Variants in ANKIB1 observed in about 807,000 individuals in gnomAD.
ANKIB1 encodes the protein ankyrin repeat and IBR domain containing 1.
A neutral mutation model predicts 122.1 loss-of-function variants in ANKIB1; 43 were observed. The ratio of observed to expected loss-of-function variants is 0.35; its 90% CI spans 0.28 to 0.45. The LOEUF (loss-of-function observed/expected upper bound fraction) is 0.45, where lower values mean the gene tolerates loss of function less well. Ranked by LOEUF, ANKIB1 falls within the 20% of genes least tolerant of loss-of-function variation. The probability of loss-of-function intolerance (pLI) is 1.00; values close to 1 mark genes in which losing one functional copy is unlikely to be tolerated. For synonymous variants in ANKIB1, 390 were observed against 442.0 expected (o/e 0.88, Z 1.48); for missense variants, 992 against 1,329.5 (o/e 0.75, Z 3.95).
intron 9 of ANKIB1, among the ~76,000 whole-genome samples, chr7:92,352,993 C>T (rs1803698140): frequency 2.0e-5 from 3 of 152,120 alleles, no homozygotes; most frequent in African/African-American, 7.2e-5. Context: ...TGATTTAAAG[C>T]CCATGTGCCT....
At chr7:92,318,655 A>G (rs1802841641) in intron 3 of ANKIB1, among the ~76,000 whole-genome samples, 1 of 152,202 alleles carries the variant, frequency 6.6e-6, no homozygotes, top group Non-Finnish European at 1.5e-5. Context: ...CAACATACTT[A>G]ATTTCTGCAA....
At chr7:92,296,034 T>A (rs1802348429) in intron 2 of ANKIB1, among the ~76,000 whole-genome samples, 1 of 152,180 alleles carries the variant, frequency 6.6e-6, no homozygotes, top group South Asian at 2.1e-4. Context: ...TCTTTGGAAC[T>A]TGATTAAAAA....
Position 92,246,147 on chromosome 7 carries a change from C to A in ANKIB1, c.-463C>A. ...GGAAGAGGGCGGCCGGGGCTGCGAGCGCGCAAGGCTGGAACATGAGCCGGG... is the reference window on the plus strand; with the variant it reads ...GGAAGAGGGCGGCCGGGGCTGCGAGAGCGCAAGGCTGGAACATGAGCCGGG... On this transcript the variant is annotated 5_prime_UTR_variant, in exon 1 of 20. Transcript: ENST00000265742. 1 of 296,568 alleles carries A rather than the reference C, an allele frequency of 3.4e-6. No individual in the cohort carries two copies. Among genetic ancestry groups the A allele is most frequent in the African/African-American group, 2.4e-5 (1 of 42,258 alleles). The allele number at this position is 296,568 out of a possible 1,614,324, so 18.4% of individuals were successfully genotyped here. A position where few individuals can be genotyped will look rare whatever the true frequency, so the allele number is the denominator to read the frequency against.
intron 10 of ANKIB1, 61 bp downstream of exon 10, chr7:92,362,334 G>A (rs1803970142): frequency 7.0e-7 from 1 of 1,432,240 alleles, no homozygotes; most frequent in South Asian, 1.2e-5. Flanking sequence ...AAGATAATGT[G>A]GTCATATCTT....
intron 7 of ANKIB1, among the ~76,000 whole-genome samples, chr7:92,350,288 C>A (rs1803631413): frequency 1.3e-5 from 2 of 152,030 alleles, no homozygotes; most frequent in South Asian, 4.1e-4. Context: ...TTCTTTAAAG[C>A]TGTAGCATAT....
intron 10 of ANKIB1, among the ~76,000 whole-genome samples, chr7:92,365,883 G>C (rs1420670086): frequency 8.5e-6 from 1 of 117,974 alleles, no homozygotes; most frequent in Non-Finnish European, 1.6e-5. Flanking sequence ...TGCAAGCTCC[G>C]CCTCCCGGGT....
chr7:92,389,051 C>T (rs1804729144), intron 14 of ANKIB1, among the ~76,000 whole-genome samples: 1 of 152,064 alleles, frequency 6.6e-6, no homozygotes, highest in Non-Finnish European at 1.5e-5. Context: ...TGTGCCTGAC[C>T]CTTAACAACA....
At chr7:92,315,950 C>T (rs1802784733) in intron 3 of ANKIB1, among the ~76,000 whole-genome samples, 1 of 151,836 alleles carries the variant, frequency 6.6e-6, no homozygotes, top group Admixed American at 6.6e-5. Flanking sequence ...GAGTCACCAC[C>T]CATTTAGAGG....
chr7:92,342,975 A>G (rs775728635), intron 5 of ANKIB1, 49 bp from the exon 6 acceptor site: 3 of 1,535,680 alleles, frequency 2.0e-6, no homozygotes, highest in South Asian at 2.2e-5. Context: ...CTTTTATAAC[A>G]TTACCATATT....
At chr7:92,341,355 T>C (rs892662099) in intron 5 of ANKIB1, among the ~76,000 whole-genome samples, 1 of 151,232 alleles carries the variant, frequency 6.6e-6, no homozygotes, top group African/African-American at 2.4e-5. Context: ...TGGAAAGCCA[T>C]CTAGCATTTT....
chr7:92,324,583 A>G (rs117907311), intron 4 of ANKIB1, among the ~76,000 whole-genome samples: 189 of 152,164 alleles, frequency 1.2e-3, no homozygotes, highest in Non-Finnish European at 2.2e-3. Context: ...TTATATTTGT[A>G]CCTTCTACTT....
intron 2 of ANKIB1, among the ~76,000 whole-genome samples, chr7:92,299,421 T>C (rs905878776): frequency 6.6e-6 from 1 of 152,214 alleles, no homozygotes; most frequent in Non-Finnish European, 1.5e-5. Flanking sequence ...GTCATTGATA[T>C]CATTTCAAAT....
chr7:92,386,662 G>A lies in ANKIB1; in HGVS notation c.1752+19G>A. The A allele has an allele frequency of 6.3e-7, 1 of 1,578,646 alleles. No individual in the cohort carries two copies. Among genetic ancestry groups the A allele is most frequent in the Non-Finnish European group, 8.6e-7 (1 of 1,165,540 alleles). ...TGTGGAGGTAAAGAGAACCAATTAA[G>A]CCAAGACATCTCTCTAAACCGCTCA... is the stretch of plus-strand genomic sequence containing the variant. On this transcript the variant is annotated intron_variant, in intron 12 of 19. Transcript: ENST00000265742.
chr7:92,347,292 T>C (rs1205647539), intron 7 of ANKIB1, among the ~76,000 whole-genome samples: 1 of 152,154 alleles, frequency 6.6e-6, no homozygotes, highest in African/African-American at 2.4e-5. Context: ...TTTGTTTTGT[T>C]TTTTGTTTTG....
chr7:92,287,271 T>G (rs1246322987), intron 1 of ANKIB1, among the ~76,000 whole-genome samples: 2 of 152,228 alleles, frequency 1.3e-5, no homozygotes, highest in African/African-American at 4.8e-5. Flanking sequence ...CAGAATCCAG[T>G]CTAGGGCCCT....
chr7:92,388,243 C>G (rs1286562771), intron 14 of ANKIB1, among the ~76,000 whole-genome samples: 1 of 152,170 alleles, frequency 6.6e-6, no homozygotes, highest in Non-Finnish European at 1.5e-5. Flanking sequence ...CTAGCCTCCT[C>G]CTCTTGATGC....
intron 5 of ANKIB1, among the ~76,000 whole-genome samples, chr7:92,340,185 G>C (rs1803406157): frequency 6.6e-6 from 1 of 152,050 alleles, no homozygotes; most frequent in African/African-American, 2.4e-5. Flanking sequence ...TTCTGCAGCT[G>C]TTTCTCTGAA....
chr7:92,314,803 C>G (rs1044945252), intron 3 of ANKIB1, among the ~76,000 whole-genome samples: 4 of 151,962 alleles, frequency 2.6e-5, no homozygotes, highest in African/African-American at 9.7e-5. Context: ...GAGAGGGGAC[C>G]CCAGACATTG....
chr7:92,348,442 G>T (rs1395671391), intron 7 of ANKIB1, among the ~76,000 whole-genome samples: 1 of 148,534 alleles, frequency 6.7e-6, no homozygotes, highest in Non-Finnish European at 1.5e-5. Flanking sequence ...CAGGAGTGCA[G>T]TGGCACCATC....
Sources: allele counts gnomAD v4.1 joint callset (sites outside exome capture counted in the v4.1 genomes callset), GRCh38; gene constraint gnomAD v4.1.1; transcripts MANE v1.5; gene names NCBI Gene and HGNC (gene_info 2026-07-23, HGNC 2026-07-21).